RIMS2: variants seen among roughly 807,000 people sequenced by gnomAD.
The protein encoded by RIMS2 is regulating synaptic membrane exocytosis 2.
RIMS2 carries 59 observed loss-of-function variants against 174.4 expected under a neutral mutation model. That is an observed-to-expected ratio of 0.34 (90% CI 0.27 to 0.42). The LOEUF is 0.42. RIMS2 is among the 10% of genes least tolerant of loss of function. The probability of loss-of-function intolerance (pLI) is 1.00; values close to 1 mark genes in which losing one functional copy is unlikely to be tolerated. For synonymous variants in RIMS2, 606 were observed against 572.5 expected, an observed-to-expected ratio of 1.06 and a Z score of -0.84; for missense variants, 1,620 against 1,666.3, an observed-to-expected ratio of 0.97 and a Z score of 0.48.
intron 19 of RIMS2, among the ~76,000 whole-genome samples, chr8:104,102,594 A>G (rs984777194): frequency 1.3e-5 from 2 of 152,218 alleles, no homozygotes; most frequent in African/African-American, 4.8e-5. Flanking sequence ...GATAATTTAT[A>G]AAGAAAAAGA....
chr8:104,106,070 AAG>A (rs2098054788), intron 19 of RIMS2, among the ~76,000 whole-genome samples: 1 of 147,790 alleles, frequency 6.8e-6, no homozygotes, highest in Non-Finnish European at 1.5e-5. Context: ...AAAAAAGAGA[AAG>A]AGAAAAGAAA....
At chr8:103,980,679 C>G (rs72683118) in intron 16 of RIMS2, among the ~76,000 whole-genome samples, 19,336 of 152,178 alleles carry the variant, frequency 0.13, 1,708 homozygotes, top group Non-Finnish European at 0.19. Context: ...CCTGCCCTGG[C>G]CCAGAGGGGA....
At chr8:103,870,296 G>T (rs2099104341) in intron 3 of RIMS2, among the ~76,000 whole-genome samples, 1 of 151,680 alleles carries the variant, frequency 6.6e-6, no homozygotes. Context: ...TGAATTAGTG[G>T]ATACATGTAA....
intron 3 of RIMS2, among the ~76,000 whole-genome samples, chr8:103,801,096 T>C (rs1025572486): frequency 6.6e-6 from 1 of 152,142 alleles, no homozygotes; most frequent in Non-Finnish European, 1.5e-5. Context: ...GCAATTCTCC[T>C]GCATCAGCCT....
At chr8:103,685,078 GT>G (rs995439758) in intron 1 of RIMS2, among the ~76,000 whole-genome samples, 5 of 143,448 alleles carry the variant, frequency 3.5e-5, no homozygotes, top group African/African-American at 1.0e-4. Context: ...TGAGGTTTTT[GT>G]TTTTTACACA....
chr8:103,950,256 C>T (rs889999875), intron 14 of RIMS2, among the ~76,000 whole-genome samples: 21 of 152,018 alleles, frequency 1.4e-4, no homozygotes, highest in Non-Finnish European at 2.6e-4. Flanking sequence ...GTTGGGAATA[C>T]CATCCAGCTC....
intron 1 of RIMS2, among the ~76,000 whole-genome samples, chr8:103,530,237 G>A (rs1203793471): frequency 6.6e-6 from 1 of 152,102 alleles, no homozygotes; most frequent in African/African-American, 2.4e-5. Flanking sequence ...TATAATTGCT[G>A]AGTTTATTTT....
chr8:104,115,439 T>TGGGAACA (rs1339939511), intron 19 of RIMS2, among the ~76,000 whole-genome samples: 2 of 152,144 alleles, frequency 1.3e-5, no homozygotes, highest in African/African-American at 4.8e-5. Context: ...TCTTTAATTA[T>TGGGAACA]TTTTAACAAT....
chr8:103,795,332 G>A (rs1230425428), intron 3 of RIMS2, among the ~76,000 whole-genome samples: 1 of 150,502 alleles, frequency 6.6e-6, no homozygotes, highest in African/African-American at 2.5e-5. Flanking sequence ...CTGTCGCAAG[G>A]ACAGAAAACC....
chr8:104,160,510 T>C (rs1223396879), intron 19 of RIMS2, among the ~76,000 whole-genome samples: 1 of 152,216 alleles, frequency 6.6e-6, no homozygotes, highest in Middle Eastern at 3.2e-3. Flanking sequence ...TTATTGTTTA[T>C]GGAAATAAGT....
chr8:103,632,409 T>G (rs540794126), intron 1 of RIMS2, among the ~76,000 whole-genome samples: 1 of 152,342 alleles, frequency 6.6e-6, no homozygotes, highest in South Asian at 2.1e-4. Context: ...TCAGCTTATG[T>G]GATGAATCAT....
intron 9 of RIMS2, among the ~76,000 whole-genome samples, chr8:103,919,551 G>A (rs1211781487): frequency 3.3e-5 from 5 of 151,846 alleles, no homozygotes; most frequent in African/African-American, 1.2e-4. Flanking sequence ...TAAAACCAGA[G>A]AGACTAGTGA....
intron 1 of RIMS2, among the ~76,000 whole-genome samples, chr8:103,684,205 T>G (rs1785781738): frequency 6.6e-6 from 1 of 152,146 alleles, no homozygotes; most frequent in Admixed American, 6.6e-5. Flanking sequence ...AGAGGTTTCT[T>G]GTGCCCATCA....
At chr8:104,150,706 T>G (rs1334233045) in intron 19 of RIMS2, among the ~76,000 whole-genome samples, 5 of 152,168 alleles carry the variant, frequency 3.3e-5, no homozygotes, top group Admixed American at 6.5e-5. Flanking sequence ...TTGGACTAAA[T>G]AGCTAGAGAT....
chr8:103,910,210 T>TGTG, intron 5 of RIMS2, 111 bp from the exon 8 acceptor site: 1 of 1,589,370 alleles, frequency 6.3e-7, no homozygotes, highest in South Asian at 1.1e-5. Context: ...TGGTGAGACA[T>TGTG]GTGGAGCCTT....
intron 19 of RIMS2, among the ~76,000 whole-genome samples, chr8:104,153,883 G>A (rs2134218125): frequency 6.6e-6 from 1 of 152,304 alleles, no homozygotes; most frequent in African/African-American, 2.4e-5. Context: ...GACTCTGACA[G>A]GTCAAGTAAG....
chr8:104,202,882 A>G (rs1479219190), intron 19 of RIMS2, among the ~76,000 whole-genome samples: 7 of 152,238 alleles, frequency 4.6e-5, no homozygotes, highest in Non-Finnish European at 7.3e-5. Flanking sequence ...ATTTTTCTCC[A>G]GTTAAGTAGG....
rs866929868 is a variant in RIMS2, at chr8:103,957,594, G to A, written c.2702-3471G>A. On this transcript the variant is annotated intron_variant, in intron 14 of 23. Coordinates refer to ENST00000504942, the Ensembl canonical transcript of RIMS2. ...GACACAGGGAGGGGAACCTCACACA[G>A]CGGGGCCTGTTGGGGAGTGAGGGGC... Among the ~76,000 whole-genome samples the A allele has an allele frequency of 5.3e-5, 8 of 152,176 alleles. No individual in the cohort carries two copies. In the South Asian group the frequency reaches 1.7e-3, roughly 31 times the overall value.
In RIMS2 at chr8:103,955,008, G is replaced by A. The variant is rs139153338; in HGVS notation, c.2702-6057G>A. Among the ~76,000 whole-genome samples, 31 of 152,164 alleles carry A rather than the reference G, an allele frequency of 2.0e-4. 1 individual carries two copies. The highest frequency in any genetic ancestry group is 7.2e-4 in the African/African-American group (30 of 41,514). ...CAAACTAGAAAATCTAGAATAAATG[G>A]ATAAATTCCTGGGCACATACACCCT... On this transcript the variant is annotated intron_variant, in intron 14 of 23. Transcript: ENST00000504942.
Sources: allele counts gnomAD v4.1 joint callset (sites outside exome capture counted in the v4.1 genomes callset), GRCh38; gene constraint gnomAD v4.1.1; transcripts MANE v1.5; gene names NCBI Gene and HGNC (gene_info 2026-07-23, HGNC 2026-07-21).